DCLK1: variants seen among roughly 807,000 people sequenced by gnomAD.
DCLK1 encodes the protein doublecortin like kinase 1.
A neutral mutation model predicts 86.2 loss-of-function variants in DCLK1; 16 were observed. The ratio of observed to expected loss-of-function variants is 0.19; its 90% CI spans 0.13 to 0.28. DCLK1 has a LOEUF of 0.28. Ranked by LOEUF, DCLK1 falls within the 10% of genes least tolerant of loss-of-function variation. The pLI, the probability that DCLK1 is intolerant of heterozygous loss-of-function variation, is 1.00. For missense variants in DCLK1, 590 were observed against 940.2 expected, an observed-to-expected ratio of 0.63 and a Z score of 4.87; for synonymous variants, 369 against 370.5, an observed-to-expected ratio of 1.00 and a Z score of 0.05.
At chr13:36,083,151 T>C (rs1473219005) in intron 3 of DCLK1, among the ~76,000 whole-genome samples, 2 of 152,224 alleles carry the variant, frequency 1.3e-5, no homozygotes, top group African/African-American at 4.8e-5. Flanking sequence ...CTATTCTTTA[T>C]TGGGCTATAA....
At chr13:36,013,514 G>C (rs1364913601) in intron 3 of DCLK1, among the ~76,000 whole-genome samples, 1 of 152,168 alleles carries the variant, frequency 6.6e-6, no homozygotes, top group African/African-American at 2.4e-5. Flanking sequence ...GCCCCTGCTG[G>C]GGGGTGCCTC....
At chr13:36,020,950 A>G (rs73180251) in intron 3 of DCLK1, among the ~76,000 whole-genome samples, 22,103 of 152,206 alleles carry the variant, frequency 0.15, 1,989 homozygotes, top group Non-Finnish European at 0.2. Context: ...AACCAAGTAC[A>G]TAGGCAAATA....
In DCLK1 at chr13:35,984,897, GCACA is replaced by G. The variant is rs10598942; in HGVS notation, c.724-37444_724-37441del. ...AACCCTGTGCCCCCAGCGTGCGCAT[GCACA>G]CACACACACACACACACACACACTT... On this transcript the variant is annotated intron_variant, in intron 3 of 16. Transcript: ENST00000360631. Among the ~76,000 whole-genome samples, 811 of 148,190 alleles carry G rather than the reference GCACA, an allele frequency of 5.5e-3. 8 individuals carry two copies. Among genetic ancestry groups the G allele is most frequent in the African/African-American group, 0.017 (666 of 40,346 alleles).
intron 4 of DCLK1, among the ~76,000 whole-genome samples, chr13:35,872,098 C>T (rs890013716): frequency 6.6e-6 from 1 of 152,166 alleles, no homozygotes; most frequent in African/African-American, 2.4e-5. Context: ...AGTGAGCTCC[C>T]TTGACCAATT....
intron 3 of DCLK1, among the ~76,000 whole-genome samples, chr13:36,103,471 T>G (rs1885292478): frequency 6.6e-6 from 1 of 151,048 alleles, no homozygotes. Flanking sequence ...ATCTTCTCAA[T>G]GCGACTATGG....
In DCLK1 at chr13:36,046,559, A is replaced by G. The variant is rs529402657; in HGVS notation, c.723+65310T>C. On this transcript the variant is annotated intron_variant, in intron 3 of 16. Coordinates refer to ENST00000360631, the MANE Select transcript of DCLK1 (RefSeq NM_001330071.2). ...TGTGCCAGCACAGAGCACAGGAGGA[A>G]TAGGTAATAGCAAAGAAACTGAAGT... is the stretch of plus-strand genomic sequence containing the variant. Among the ~76,000 whole-genome samples, 15 of 152,346 alleles carry G rather than the reference A, an allele frequency of 9.8e-5. No homozygotes were observed. The South Asian group carries it at 3.1e-3, about 32-fold the overall frequency.
intron 3 of DCLK1, among the ~76,000 whole-genome samples, chr13:36,002,738 G>C (rs1054526656): frequency 2.6e-5 from 4 of 152,120 alleles, no homozygotes; most frequent in African/African-American, 9.7e-5. Context: ...TGTTCTTTTA[G>C]GTTGTTGCTT....
At chr13:35,811,644 G>A (rs1040985122) in intron 11 of DCLK1, among the ~76,000 whole-genome samples, 16 of 152,098 alleles carry the variant, frequency 1.1e-4, no homozygotes, top group African/African-American at 2.9e-4. Context: ...GACCAGCCTG[G>A]CCAATATGGT....
At chr13:35,783,266 C>T (rs969561005) in intron 16 of DCLK1, among the ~76,000 whole-genome samples, 1 of 152,138 alleles carries the variant, frequency 6.6e-6, no homozygotes, top group African/African-American at 2.4e-5. Flanking sequence ...TCAGGAAAAT[C>T]TGTGGAGTGG....
At chr13:35,838,279 T>C (rs1211879217) in intron 7 of DCLK1, among the ~76,000 whole-genome samples, 1 of 152,150 alleles carries the variant, frequency 6.6e-6, no homozygotes, top group Admixed American at 6.5e-5. Flanking sequence ...TCACTGAATA[T>C]AATAAAAGCA....
At chr13:35,973,758 T>C (rs1879183374) in intron 3 of DCLK1, among the ~76,000 whole-genome samples, 2 of 152,194 alleles carry the variant, frequency 1.3e-5, no homozygotes, top group African/African-American at 2.4e-5. Context: ...ACGGGGAACC[T>C]GATCCTGCAG....
At chr13:35,786,818 A>G (rs1262950708) in intron 16 of DCLK1, among the ~76,000 whole-genome samples, 2 of 152,212 alleles carry the variant, frequency 1.3e-5, no homozygotes, top group Non-Finnish European at 2.9e-5. Context: ...ATGTAGGTAA[A>G]TTAAATAAAT....
At chr13:36,117,559 T>C (rs1410632) in intron 2 of DCLK1, among the ~76,000 whole-genome samples, 60,205 of 151,962 alleles carry the variant, frequency 0.4, 13,483 homozygotes, top group East Asian at 0.77. Flanking sequence ...TTTTAAAAAG[T>C]AACATGGAAA....
intron 10 of DCLK1, among the ~76,000 whole-genome samples, chr13:35,824,384 T>G (rs2087471265): frequency 1.3e-5 from 2 of 152,158 alleles, no homozygotes; most frequent in Admixed American, 1.3e-4. Context: ...TTCGCTTTGT[T>G]GCCCAGGCTG....
At chr13:35,921,013 C>T (rs1263718867) in intron 4 of DCLK1, among the ~76,000 whole-genome samples, 1 of 152,112 alleles carries the variant, frequency 6.6e-6, no homozygotes, top group Non-Finnish European at 1.5e-5. Context: ...GCCACCAACA[C>T]CTCCACAATG....
At chr13:35,904,844 G>A (rs536280333) in intron 4 of DCLK1, among the ~76,000 whole-genome samples, 13 of 152,200 alleles carry the variant, frequency 8.5e-5, no homozygotes, top group Non-Finnish European at 1.5e-4. Context: ...TTGGCTTTTT[G>A]CCCTTCTACT....
intron 6 of DCLK1, chr13:35,845,926 T>A: frequency 1.0e-6 from 1 of 985,320 alleles, no homozygotes; most frequent in Non-Finnish European, 1.2e-6. Flanking sequence ...TATTATATAG[T>A]TATTCTAAGG....
At chr13:36,088,563 C>G (rs757077239) in intron 3 of DCLK1, among the ~76,000 whole-genome samples, 7 of 152,206 alleles carry the variant, frequency 4.6e-5, no homozygotes, top group African/African-American at 9.7e-5. Flanking sequence ...GGGTAGAGAA[C>G]TACATCCTGG....
chr13:36,051,370 G>A (rs1883117414), intron 3 of DCLK1, among the ~76,000 whole-genome samples: 1 of 152,100 alleles, frequency 6.6e-6, no homozygotes, highest in African/African-American at 2.4e-5. Flanking sequence ...TGAAAAAGTA[G>A]CCTCATAATC....
Sources: allele counts gnomAD v4.1 joint callset (sites outside exome capture counted in the v4.1 genomes callset), GRCh38; gene constraint gnomAD v4.1.1; transcripts MANE v1.5; gene names NCBI Gene and HGNC (gene_info 2026-07-23, HGNC 2026-07-21).